The following DPP10 variants were observed in gnomAD, a reference collection of about 807,000 sequenced individuals.
The protein encoded by DPP10 is inactive dipeptidyl peptidase 10.
In DPP10, 33 loss-of-function variants were observed where a neutral mutation model predicts 120.9. The ratio of observed to expected loss-of-function variants is 0.27; its 90% CI spans 0.21 to 0.37. The LOEUF (loss-of-function observed/expected upper bound fraction) is 0.37. DPP10 is among the 10% of genes least tolerant of loss of function. The pLI, the probability that DPP10 is intolerant of heterozygous loss-of-function variation, is 1.00. For synonymous variants in DPP10, 337 were observed against 326.1 expected, an observed-to-expected ratio of 1.03 and a Z score of -0.36; for missense variants, 816 against 942.8, an observed-to-expected ratio of 0.87 and a Z score of 1.76.
rs1181722956 is a variant in DPP10 at position 114,519,264 on chromosome 2, C to T, written c.60+76426C>T. On this transcript the variant is annotated intron_variant, in intron 1 of 25. Transcript: ENST00000410059. ...AGAAACTTTGCCAGCCACTGAACTTCTCACTGTTTTCCTCATCTTAGCGAC... is the reference window on the plus strand; with the variant it reads ...AGAAACTTTGCCAGCCACTGAACTTTTCACTGTTTTCCTCATCTTAGCGAC... Among the ~76,000 whole-genome samples the T allele has an allele frequency of 3.3e-5, 5 of 152,142 alleles. No individual in the cohort carries two copies. The South Asian group carries it at 8.3e-4, about 25-fold the overall frequency.
At chr2:114,833,294 C>T (rs1299388771) in intron 1 of DPP10, 1 of 139,834 alleles carries the variant, frequency 7.2e-6, no homozygotes, top group East Asian at 2.1e-4. Context: ...AAAAAAAAAA[C>T]TAAATTGATC....
chr2:115,387,240 G>T (rs958380985), intron 3 of DPP10, among the ~76,000 whole-genome samples: 3 of 152,160 alleles, frequency 2.0e-5, no homozygotes, highest in African/African-American at 7.2e-5. Flanking sequence ...AATGGAGATG[G>T]GGGTGAGGGG....
At chr2:114,977,622 C>A (rs1003239361) in intron 1 of DPP10, among the ~76,000 whole-genome samples, 1 of 152,106 alleles carries the variant, frequency 6.6e-6, no homozygotes, top group Non-Finnish European at 1.5e-5. Flanking sequence ...TGTCCCCCAC[C>A]TCAAGAAAGC....
At chr2:115,043,584 C>T (rs1438014556) in intron 1 of DPP10, among the ~76,000 whole-genome samples, 3 of 152,180 alleles carry the variant, frequency 2.0e-5, no homozygotes, top group African/African-American at 7.2e-5. Flanking sequence ...CAGGGATTGA[C>T]CAGTCAGTTG....
At chr2:114,695,795 G>A (rs1222767940) in intron 1 of DPP10, among the ~76,000 whole-genome samples, 1 of 152,016 alleles carries the variant, frequency 6.6e-6, no homozygotes, top group Non-Finnish European at 1.5e-5. Context: ...TTCATTCAAA[G>A]GCAATTTTTA....
intron 3 of DPP10, among the ~76,000 whole-genome samples, chr2:115,379,421 C>A (rs1045125128): frequency 1.3e-5 from 2 of 151,992 alleles, no homozygotes; most frequent in African/African-American, 2.4e-5. Flanking sequence ...TTTTTTATTG[C>A]GACTATTTGA....
intron 3 of DPP10, among the ~76,000 whole-genome samples, chr2:115,493,980 C>T (rs551047589): frequency 4.1e-4 from 62 of 152,188 alleles, no homozygotes; most frequent in Non-Finnish European, 7.4e-4. Context: ...GACAGAGTCT[C>T]ACTCTGTTGC....
At chr2:114,760,903 T>A (rs1431805601) in intron 1 of DPP10, among the ~76,000 whole-genome samples, 1 of 152,070 alleles carries the variant, frequency 6.6e-6, no homozygotes, top group Non-Finnish European at 1.5e-5. Flanking sequence ...TCTGAGAAAA[T>A]TAAGATATTT....
chr2:115,157,037 C>T (rs1037366425), intron 1 of DPP10, among the ~76,000 whole-genome samples: 60 of 151,976 alleles, frequency 3.9e-4, no homozygotes, highest in African/African-American at 1.4e-3. Context: ...AACACACATC[C>T]CTTGTTGGGC....
At chr2:114,765,474 A>G (rs1680630849) in intron 1 of DPP10, among the ~76,000 whole-genome samples, 1 of 152,216 alleles carries the variant, frequency 6.6e-6, no homozygotes, top group African/African-American at 2.4e-5. Context: ...CTAGGGCACA[A>G]GTACAACAAA....
chr2:114,917,942 CA>C lies in DPP10; in HGVS notation c.61-391292del, dbSNP rs1694924608. Reference sequence around the variant, plus strand: ...GACCCCAAAGCAATGGCAACAAAAACAAAAATTGACAAATGGAATCTAATTA... The same window carrying C: ...GACCCCAAAGCAATGGCAACAAAAACAAAATTGACAAATGGAATCTAATTA... On this transcript the variant is annotated intron_variant, in intron 1 of 25. Transcript: ENST00000410059. Among the ~76,000 whole-genome samples the C allele has an allele frequency of 2.0e-5, 3 of 152,136 alleles. No individual in the cohort carries two copies. In the South Asian group the frequency reaches 6.2e-4, roughly 32 times the overall value.
intron 11 of DPP10, among the ~76,000 whole-genome samples, chr2:115,754,258 A>C (rs913576763): frequency 6.6e-6 from 1 of 152,132 alleles, no homozygotes; most frequent in Non-Finnish European, 1.5e-5. Context: ...CAGGGACCAG[A>C]GAAGTTGGAG....
At chr2:115,132,080 G>A (rs557002973) in intron 1 of DPP10, among the ~76,000 whole-genome samples, 5 of 152,092 alleles carry the variant, frequency 3.3e-5, no homozygotes, top group South Asian at 2.1e-4. Flanking sequence ...ACAGAGTGGC[G>A]CCATCTCAAA....
intron 2 of DPP10, among the ~76,000 whole-genome samples, chr2:115,343,530 GT>G (rs1334664498): frequency 6.6e-6 from 1 of 152,064 alleles, no homozygotes; most frequent in African/African-American, 2.4e-5. Flanking sequence ...TGGGCACAAT[GT>G]ACAACAGGAA....
intron 1 of DPP10, among the ~76,000 whole-genome samples, chr2:115,250,051 A>G (rs996761265): frequency 1.3e-5 from 2 of 152,170 alleles, no homozygotes; most frequent in East Asian, 3.9e-4. Context: ...GCAGTCTCCA[A>G]ATACATTAGG....
intron 9 of DPP10, 58 bp from the exon 10 acceptor site, chr2:115,746,028 T>C (rs1677923762): frequency 8.1e-7 from 1 of 1,233,974 alleles, no homozygotes; most frequent in Admixed American, 2.8e-5. Flanking sequence ...CTTTTCTTTT[T>C]TACCCAATAT....
intron 1 of DPP10, among the ~76,000 whole-genome samples, chr2:114,978,248 TG>T (rs1436544682): frequency 6.6e-6 from 1 of 152,188 alleles, no homozygotes; most frequent in African/African-American, 2.4e-5. Flanking sequence ...GCACTTGAAG[TG>T]TGACTGGTGT....
At chr2:115,315,484 G>A (rs897833509) in intron 2 of DPP10, among the ~76,000 whole-genome samples, 1 of 152,004 alleles carries the variant, frequency 6.6e-6, no homozygotes, top group Non-Finnish European at 1.5e-5. Context: ...GTACTATATT[G>A]CAGACAATAT....
chr2:115,532,849 TATAA>T (rs1166080267), intron 5 of DPP10, among the ~76,000 whole-genome samples: 1 of 151,984 alleles, frequency 6.6e-6, no homozygotes, highest in African/African-American at 2.4e-5. Flanking sequence ...GAGTCATGTA[TATAA>T]ATAGTTTTAA....
Sources: allele counts gnomAD v4.1 joint callset (sites outside exome capture counted in the v4.1 genomes callset), GRCh38; gene constraint gnomAD v4.1.1; transcripts MANE v1.5; gene names NCBI Gene and HGNC (gene_info 2026-07-23, HGNC 2026-07-21).